THADA: variants seen among roughly 807,000 people sequenced by gnomAD.
THADA encodes THADA armadillo repeat containing.
A neutral mutation model predicts 219.8 loss-of-function variants in THADA; 213 were observed. The ratio of observed to expected loss-of-function variants is 0.97; its 90% CI spans 0.87 to 1.09. The LOEUF (loss-of-function observed/expected upper bound fraction) is 1.09. Ranked by LOEUF, THADA falls within the 50% of genes least tolerant of loss-of-function variation. THADA has a pLI of 0.00. For synonymous variants in THADA, 1,018 were observed against 828.9 expected (o/e 1.23, Z -3.92); for missense variants, 2,956 against 2,311.3 (o/e 1.28, Z -5.72).
At chr2:43,302,389 A>G (rs1368128244) in intron 31 of THADA, among the ~76,000 whole-genome samples, 1 of 151,376 alleles carries the variant, frequency 6.6e-6, no homozygotes, top group Non-Finnish European at 1.5e-5. Flanking sequence ...AGTGCAGTCA[A>G]CTCAGCCACT....
At chr2:43,251,582 G>A (rs1235485065) in intron 36 of THADA, among the ~76,000 whole-genome samples, 1 of 152,184 alleles carries the variant, frequency 6.6e-6, no homozygotes, top group Non-Finnish European at 1.5e-5. Context: ...GCAATCTAAG[G>A]TACTGTGGGA....
chr2:43,353,822 A>ATTTTTTTTTTTTTT (rs564117010), intron 29 of THADA, among the ~76,000 whole-genome samples: 1 of 139,082 alleles, frequency 7.2e-6, no homozygotes, highest in Non-Finnish European at 1.5e-5. Flanking sequence ...AGCTCAGCTA[A>ATTTTTTTTTTTTTT]TTTTTTTTTT....
At chr2:43,450,741 T>C (rs1260024428) in intron 26 of THADA, among the ~76,000 whole-genome samples, 1 of 152,206 alleles carries the variant, frequency 6.6e-6, no homozygotes, top group Non-Finnish European at 1.5e-5. Flanking sequence ...AGAGACTTGC[T>C]TTAGCTCTAG....
At chr2:43,509,041 A>G (rs758746842) in intron 22 of THADA, among the ~76,000 whole-genome samples, 1 of 152,176 alleles carries the variant, frequency 6.6e-6, no homozygotes, top group African/African-American at 2.4e-5. Context: ...GTTTGCATCC[A>G]CACTCAAAAT....
intron 23 of THADA, among the ~76,000 whole-genome samples, chr2:43,507,048 G>A (rs1226591114): frequency 1.3e-5 from 2 of 152,090 alleles, no homozygotes; most frequent in African/African-American, 4.8e-5. Flanking sequence ...CACAAACTAA[G>A]TAGACAGTTC....
intron 24 of THADA, among the ~76,000 whole-genome samples, chr2:43,505,062 C>T (rs1276115846): frequency 6.6e-6 from 1 of 152,030 alleles, no homozygotes; most frequent in Non-Finnish European, 1.5e-5. Context: ...GAACTAAATG[C>T]TAGTAAAATA....
intron 30 of THADA, among the ~76,000 whole-genome samples, chr2:43,322,291 G>A (rs1349571296): frequency 6.6e-6 from 1 of 152,028 alleles, no homozygotes; most frequent in Non-Finnish European, 1.5e-5. Context: ...ATCACCTGAG[G>A]TCAGGAGATC....
chr2:43,403,356 G>C (rs531768686), intron 28 of THADA, among the ~76,000 whole-genome samples: 5 of 152,196 alleles, frequency 3.3e-5, no homozygotes, highest in Non-Finnish European at 5.9e-5. Context: ...GCTGATAATA[G>C]CTAACATCTC....
At chr2:43,375,034 T>C (rs759572110) in intron 29 of THADA, among the ~76,000 whole-genome samples, 1 of 151,860 alleles carries the variant, frequency 6.6e-6, no homozygotes. Context: ...TAATAAATGG[T>C]CGTGGACCAA....
intron 28 of THADA, among the ~76,000 whole-genome samples, chr2:43,426,936 T>C (rs1678517481): frequency 6.6e-6 from 1 of 152,216 alleles, no homozygotes; most frequent in South Asian, 2.1e-4. Context: ...TTAATACTTC[T>C]TGGAGGCCTA....
chr2:43,340,560 G>C (rs1011499213), intron 30 of THADA, among the ~76,000 whole-genome samples: 5 of 152,152 alleles, frequency 3.3e-5, no homozygotes, highest in African/African-American at 1.2e-4. Flanking sequence ...AAGAAACTCA[G>C]GCTAATGATC....
chr2:43,451,354 C>G (rs1682305940), intron 26 of THADA, among the ~76,000 whole-genome samples: 1 of 152,172 alleles, frequency 6.6e-6, no homozygotes, highest in African/African-American at 2.4e-5. Context: ...TTCCTATTAT[C>G]CCTATCTTTC....
intron 14 of THADA, among the ~76,000 whole-genome samples, chr2:43,569,273 C>T (rs962945583): frequency 2.6e-5 from 4 of 152,190 alleles, no homozygotes; most frequent in East Asian, 3.8e-4. Context: ...CACCACTAGT[C>T]GCTTTTAATG....
In THADA at chr2:43,541,332, A is replaced by C. The variant is rs748859775; in HGVS notation, c.3107-16T>G. Reference sequence around the variant, plus strand: ...ACTTCTTTACCTTAAACAAAAAAAAACACAACGATTGCAACCTTGATTACT... The same window carrying C: ...ACTTCTTTACCTTAAACAAAAAAAACCACAACGATTGCAACCTTGATTACT... On this transcript the variant is annotated splice_polypyrimidine_tract_variant and intron_variant, in intron 20 of 37. Coordinates refer to ENST00000405975, the MANE Select transcript of THADA (RefSeq NM_022065.5). 21 of 1,610,990 alleles carry C rather than the reference A, an allele frequency of 1.3e-5. No individual in the cohort carries two copies. The South Asian group carries it at 1.6e-4, about 12-fold the overall frequency.
chr2:43,504,500 T>C (rs1689405997), intron 24 of THADA, among the ~76,000 whole-genome samples: 2 of 152,210 alleles, frequency 1.3e-5, no homozygotes, highest in Admixed American at 6.5e-5. Flanking sequence ...TGAAATAAAA[T>C]CATATGTACT....
intron 28 of THADA, among the ~76,000 whole-genome samples, chr2:43,401,635 C>T (rs1244526480): frequency 6.6e-6 from 1 of 152,188 alleles, no homozygotes; most frequent in Non-Finnish European, 1.5e-5. Flanking sequence ...CAGCACTTGA[C>T]AGTTGATAAA....
intron 25 of THADA, among the ~76,000 whole-genome samples, chr2:43,490,548 C>T (rs899578475): frequency 6.6e-6 from 1 of 152,014 alleles, no homozygotes; most frequent in Non-Finnish European, 1.5e-5. Flanking sequence ...TGTCAAATGC[C>T]TCTTTTGTAT....
chr2:43,577,124 T>A lies in THADA; in HGVS notation c.935A>T (p.Gln312Leu). The change falls in exon 10 of 38, where the codon CAG becomes CTG. Residue 312 changes from glutamine (Q) to leucine (L), a missense_variant. Gln to Leu is a moderately radical substitution (Grantham distance 113). Transcript: ENST00000405975. ...CCAGTCCAACATGGCAAGTGTCCCC[T>A]GACAGAGGAATAAGACAGCTGACTG... ...ISQSAVLFLC[Q>L]GTLAMLDWQN... 6.2e-7 allele frequency: 1 copy of A among 1,612,878 alleles called. No homozygotes were observed. Among genetic ancestry groups the A allele is most frequent in the Non-Finnish European group, 8.5e-7 (1 of 1,179,494 alleles).
chr2:43,556,255 C>G, intron 17 of THADA, 90 bp downstream of exon 17: 1 of 1,530,092 alleles, frequency 6.5e-7, no homozygotes, highest in Non-Finnish European at 8.8e-7. Flanking sequence ...TAAAAAACCA[C>G]AAAATATATG....
Sources: allele counts gnomAD v4.1 joint callset (sites outside exome capture counted in the v4.1 genomes callset), GRCh38; gene constraint gnomAD v4.1.1; transcripts MANE v1.5; gene names NCBI Gene and HGNC (gene_info 2026-07-23, HGNC 2026-07-21).